Variants in MEF2B observed in about 807,000 individuals in gnomAD.
MEF2B encodes the protein myocyte enhancer factor 2B.
MEF2B carries 15 observed loss-of-function variants against 32.2 expected under a neutral mutation model. The observed-to-expected ratio is 0.47, with a 90% CI of 0.31 to 0.72. The LOEUF is 0.72. Ranked by LOEUF, MEF2B falls within the 30% of genes least tolerant of loss-of-function variation. The pLI is 0.05. For missense variants in MEF2B, 441 were observed against 511.5 expected (o/e 0.86, Z 1.33); for synonymous variants, 205 against 225.6 (o/e 0.91, Z 0.82).
chr19:19,149,256 G>C lies in MEF2B; in HGVS notation c.228C>G (p.His76Gln). ...GGATGTCAGTGTTGGTGCGGCTCTC[G>C]TGGGGCTCGCTGTACTCTGTGTACT... ...LLKYTEYSEP[H>Q]ESRTNTDILE... Residue 76 changes from histidine (H) to glutamine (Q), a missense_variant, in exon 3 of 9, where the codon CAC becomes CAG. His to Gln is a conservative substitution (Grantham distance 24, BLOSUM62 0). Transcript: ENST00000424583. The C allele has an allele frequency of 6.2e-7, 1 of 1,613,988 alleles. No homozygotes were observed. The highest frequency in any genetic ancestry group is 1.3e-5 in the African/African-American group (1 of 75,016).
rs537222801 is a variant in MEF2B at position 19,165,024 on chromosome 19, G to A, written c.-30+5181C>T. On this transcript the variant is annotated intron_variant, in intron 1 of 8. Coordinates refer to ENST00000424583, the MANE Select transcript of MEF2B (RefSeq NM_001145785.2). ...GCAGAAGGGACCCTGCCCACAGCCC[G>A]GCAGCCCGAAGATGCAGCCAGCAGG... Among the ~76,000 whole-genome samples, 5 of 152,288 alleles carry A rather than the reference G, an allele frequency of 3.3e-5. No individual in the cohort carries two copies. The East Asian group carries it at 5.8e-4, about 18-fold the overall frequency.
At chr19:19,154,622 T>A (rs181760288) in intron 1 of MEF2B, among the ~76,000 whole-genome samples, 9 of 152,132 alleles carry the variant, frequency 5.9e-5, no homozygotes, top group South Asian at 4.1e-4. Flanking sequence ...TTTTGTATTT[T>A]TAGTAGAGAC....
Position 19,146,034 on chromosome 19 carries a change from AAGAG to A in MEF2B, c.882-16_882-13del. ...GGCTTCGGCCCCCACTGCAGGGGGAAAGAGAGAGGGAGGCCGTGAGCTCAGCGAG... is the reference window on the plus strand; with the variant it reads ...GGCTTCGGCCCCCACTGCAGGGGGAAAGAGGGAGGCCGTGAGCTCAGCGAG... On this transcript the variant is annotated splice_polypyrimidine_tract_variant and intron_variant, in intron 8 of 8. Coordinates refer to ENST00000424583, the MANE Select transcript of MEF2B (RefSeq NM_001145785.2). 7.0e-7 allele frequency: 1 copy of A among 1,423,386 alleles called. No homozygotes were observed. The highest frequency in any genetic ancestry group is 9.2e-7 in the Non-Finnish European group (1 of 1,088,296). 88.2% of individuals were successfully genotyped at this position (1,423,386 alleles called of 1,614,324 possible).
intron 3 of MEF2B, 121 bp downstream of exon 3, chr19:19,149,105 A>G: frequency 7.7e-7 from 1 of 1,297,868 alleles, no homozygotes; most frequent in East Asian, 2.5e-5. Context: ...GCAGAAATAA[A>G]GCACGTCAGC....
chr19:19,153,598 G>A (rs1372351962), intron 1 of MEF2B, among the ~76,000 whole-genome samples: 1 of 151,686 alleles, frequency 6.6e-6, no homozygotes, highest in Non-Finnish European at 1.5e-5. Context: ...CTGCGATTAC[G>A]GGCATGCACC....
intron 1 of MEF2B, among the ~76,000 whole-genome samples, chr19:19,161,323 T>C (rs1454664990): frequency 6.6e-6 from 1 of 151,888 alleles, no homozygotes; most frequent in Non-Finnish European, 1.5e-5. Context: ...ATGGGCATAA[T>C]GGGAGGTAGA....
chr19:19,167,552 A>G (rs181933245), intron 1 of MEF2B, among the ~76,000 whole-genome samples: 1 of 152,084 alleles, frequency 6.6e-6, no homozygotes, highest in Admixed American at 6.6e-5. Flanking sequence ...AGAAAGAAAG[A>G]AACCTCTTCC....
chr19:19,150,801 T>G, intron 1 of MEF2B, 37 bp from the exon 2 acceptor site: 2 of 1,611,920 alleles, frequency 1.2e-6, no homozygotes, highest in Non-Finnish European at 1.7e-6. Flanking sequence ...AGTGAGTGGG[T>G]GGAGAGTGGG....
chr19:19,150,580 C>T lies in MEF2B; in HGVS notation c.54+102G>A, dbSNP rs563205848. 4 of 1,497,352 alleles carry T rather than the reference C, an allele frequency of 2.7e-6. No individual in the cohort carries two copies. In the South Asian group the frequency reaches 4.9e-5, roughly 18 times the overall value. The allele number at this position is 1,497,352 out of a possible 1,614,324, so 92.8% of individuals were successfully genotyped here. ...ATGGCATCAGGACTCCTCATGCCTCCTCATTCCCCTGCAGTTCAATTGGTC... is the reference window on the plus strand; with the variant it reads ...ATGGCATCAGGACTCCTCATGCCTCTTCATTCCCCTGCAGTTCAATTGGTC... On this transcript the variant is annotated intron_variant, in intron 2 of 8. Coordinates refer to ENST00000424583, the MANE Select transcript of MEF2B (RefSeq NM_001145785.2).
chr19:19,161,811 G>GTT (rs549809476), intron 1 of MEF2B, among the ~76,000 whole-genome samples: 9 of 137,534 alleles, frequency 6.5e-5, no homozygotes, highest in African/African-American at 1.3e-4. Flanking sequence ...CTTCTTTTTT[G>GTT]TTTTTTTTTT....
rs1230753199 is a variant in MEF2B, at chr19:19,145,625, G to A, written c.*172C>T. On this transcript the variant is annotated 3_prime_UTR_variant, in exon 9 of 9. Coordinates refer to ENST00000424583, the MANE Select transcript of MEF2B (RefSeq NM_001145785.2). The surrounding 1 kb of genome is among the most constrained non-coding windows in gnomAD (Gnocchi z 4.6). ...TGGATATACACACAAATAGGAAGAA[G>A]GAAAGGAGCCCCCCAGGGTGGATTG... 2.8e-6 allele frequency: 4 copies of A among 1,450,342 alleles called. No individual in the cohort carries two copies. Among genetic ancestry groups the A allele is most frequent in the East Asian group, 5.1e-5 (2 of 39,464 alleles). 89.8% of individuals were successfully genotyped at this position (1,450,342 alleles called of 1,614,324 possible). A position where few individuals can be genotyped will look rare whatever the true frequency, so the allele number is the denominator to read the frequency against.
chr19:19,158,801 G>A (rs1182423757), intron 1 of MEF2B, among the ~76,000 whole-genome samples: 1 of 151,602 alleles, frequency 6.6e-6, no homozygotes, highest in Non-Finnish European at 1.5e-5. Flanking sequence ...GCCAGGCGTG[G>A]TGGTGCACCC....
At position 19,147,715 on chromosome 19, in the gene MEF2B, G is replaced by A. The variant is rs1247733838; in HGVS notation, c.376C>T (p.Pro126Ser). Residue 126 changes from proline to serine, a missense_variant, in exon 4 of 9, where the codon CCC becomes TCC. Pro to Ser is a moderately conservative substitution (Grantham distance 74, BLOSUM62 -1). Around this residue, in one of 2 missense-constraint regions of MEF2B, gnomAD observed 115 missense variants for 183.1 expected, o/e 0.63. Coordinates refer to ENST00000424583, the MANE Select transcript of MEF2B (RefSeq NM_001145785.2). ...TCACTTACATACAGCCGGGGTCGGG[G>A]CAAGGCCGGATCACCCCCTTCGCCT... ...LAGEGGDPALPRPRLYPAAPA... is the reference protein window; with the variant it reads ...LAGEGGDPALSRPRLYPAAPA... The A allele has an allele frequency of 6.2e-6, 10 of 1,613,686 alleles. No homozygotes were observed. The highest frequency in any genetic ancestry group is 8.5e-6 in the Non-Finnish European group (10 of 1,179,786).
intron 3 of MEF2B, 59 bp from the exon 4 acceptor site, chr19:19,147,891 G>C: frequency 1.9e-6 from 3 of 1,568,902 alleles, no homozygotes; most frequent in Non-Finnish European, 2.6e-6. Context: ...AGGGAACCCA[G>C]TTCTATGGGA....
At position 19,145,650 on chromosome 19, in the gene MEF2B, G is replaced by A. The variant is rs139348057; in HGVS notation, c.*147C>T. On this transcript the variant is annotated 3_prime_UTR_variant, in exon 9 of 9. Transcript: ENST00000424583. This position sits in a 1 kb window ranked among gnomAD's most constrained non-coding sequence, Gnocchi z 4.6. ...GGAAAGGAGCCCCCCAGGGTGGATTGAGTCCAGCCGCCCACCTCCAAGCCC... is the reference window on the plus strand; with the variant it reads ...GGAAAGGAGCCCCCCAGGGTGGATTAAGTCCAGCCGCCCACCTCCAAGCCC... The A allele has an allele frequency of 4.8e-4, 723 of 1,519,384 alleles. 14 individuals are homozygous for A. In the East Asian group the frequency reaches 0.018, roughly 37 times the overall value. 94.1% of individuals were successfully genotyped at this position (1,519,384 alleles called of 1,614,324 possible).
chr19:19,156,204 G>A (rs2146367859), intron 1 of MEF2B, among the ~76,000 whole-genome samples: 1 of 152,248 alleles, frequency 6.6e-6, no homozygotes, highest in African/African-American at 2.4e-5. Flanking sequence ...GAAGTAGAAA[G>A]CTTAAGTAGA....
chr19:19,150,595 T>G, intron 2 of MEF2B, 87 bp downstream of exon 2: 1 of 1,570,246 alleles, frequency 6.4e-7, no homozygotes, highest in Non-Finnish European at 8.7e-7. Flanking sequence ...TCCCCTGCAG[T>G]TCAATTGGTC....
chr19:19,148,285 A>G (rs1300241268), intron 3 of MEF2B, among the ~76,000 whole-genome samples: 1 of 152,198 alleles, frequency 6.6e-6, no homozygotes, highest in African/African-American at 2.4e-5. Context: ...CCAACATGGT[A>G]AGACCTCCAT....
At chr19:19,162,914 A>G (rs1034451618) in intron 1 of MEF2B, among the ~76,000 whole-genome samples, 1 of 150,466 alleles carries the variant, frequency 6.6e-6, no homozygotes, top group African/African-American at 2.4e-5. Context: ...GTACCCACCC[A>G]CCTCTCCCCT....
Sources: allele counts gnomAD v4.1 joint callset (sites outside exome capture counted in the v4.1 genomes callset), GRCh38; gene constraint gnomAD v4.1.1; regional missense constraint gnomAD v4.1.1; non-coding constraint Gnocchi (gnomAD v3.1); transcripts MANE v1.5; gene names NCBI Gene and HGNC (gene_info 2026-07-23, HGNC 2026-07-21).